Variants in TRIM37 observed in about 807,000 individuals in gnomAD.
The protein encoded by TRIM37 is tripartite motif containing 37.
In TRIM37, 80 loss-of-function variants were observed where a neutral mutation model predicts 129.8. The ratio of observed to expected loss-of-function variants is 0.62; its 90% CI spans 0.51 to 0.74. TRIM37 has a LOEUF of 0.74. Among genes scored for constraint, TRIM37 ranks in the 30% least tolerant of loss-of-function variants. The pLI is 0.00. For missense variants in TRIM37, 1,054 were observed against 1,176.5 expected, an observed-to-expected ratio of 0.90 and a Z score of 1.52; for synonymous variants, 389 against 387.1, an observed-to-expected ratio of 1.00 and a Z score of -0.06.
chr17:59,096,574 A>C (rs1568248190), intron 2 of TRIM37, among the ~76,000 whole-genome samples: 1 of 151,700 alleles, frequency 6.6e-6, no homozygotes, highest in Non-Finnish European at 1.5e-5. Context: ...AAAAAAAAAA[A>C]AACCAACTTT....
At chr17:59,068,772 C>T (rs1198189178) in intron 9 of TRIM37, among the ~76,000 whole-genome samples, 3 of 152,152 alleles carry the variant, frequency 2.0e-5, no homozygotes, top group Non-Finnish European at 4.4e-5. Flanking sequence ...GTCAGAAAAA[C>T]TTTGCCCTTC....
At position 58,999,143 on chromosome 17, in the gene TRIM37, A is replaced by G; in HGVS notation, c.*234T>C. On this transcript the variant is annotated 3_prime_UTR_variant, in exon 24 of 24. Coordinates refer to ENST00000262294, the MANE Select transcript of TRIM37 (RefSeq NM_015294.6). The stretch of plus-strand genomic sequence containing the variant: ...ATTTGCTAAATTAATAGAGAACTAC[A>G]TTGTTATTTCCTTACATTACAAAGA... The G allele has an allele frequency of 1.5e-6, 2 of 1,351,670 alleles. No individual in the cohort carries two copies. The highest frequency in any genetic ancestry group is 1.9e-6 in the Non-Finnish European group (2 of 1,050,806). 83.7% of individuals were successfully genotyped at this position (1,351,670 alleles called of 1,614,324 possible).
intron 2 of TRIM37, among the ~76,000 whole-genome samples, chr17:59,097,570 T>C (rs2045024221): frequency 6.6e-6 from 1 of 151,554 alleles, no homozygotes; most frequent in South Asian, 2.1e-4. Context: ...AAACCAAGAA[T>C]TTGAAAGACA....
intron 17 of TRIM37, among the ~76,000 whole-genome samples, chr17:59,040,772 C>T (rs986116745): frequency 2.0e-5 from 3 of 152,038 alleles, no homozygotes; most frequent in Admixed American, 6.6e-5. Flanking sequence ...CCAGGCCGGG[C>T]GCGGTGGCTC....
intron 13 of TRIM37, among the ~76,000 whole-genome samples, chr17:59,055,685 C>CAAAAA (rs934273591): frequency 7.1e-4 from 17 of 23,810 alleles, no homozygotes; most frequent in Non-Finnish European, 8.2e-4. Flanking sequence ...GACTCCATCT[C>CAAAAA]AAAAAAAAAA....
chr17:59,026,149 A>G (rs2037226634), intron 19 of TRIM37, among the ~76,000 whole-genome samples: 1 of 152,216 alleles, frequency 6.6e-6, no homozygotes, highest in South Asian at 2.1e-4. Context: ...CAATGGTGCT[A>G]AAACCATTCA....
intron 24 of TRIM37, among the ~76,000 whole-genome samples, chr17:58,992,299 A>G (rs2032512636): frequency 7.5e-6 from 1 of 132,696 alleles, no homozygotes; most frequent in East Asian, 2.1e-4. Context: ...ATATATATTT[A>G]TATATATATA....
the TRIM37 span, chr17:58,969,360 T>C: frequency 1.4e-6 from 1 of 713,578 alleles, no homozygotes; most frequent in Middle Eastern, 2.4e-4. Context: ...GATACCCTAA[T>C]ATTGCAGGTA....
intron 16 of TRIM37, among the ~76,000 whole-genome samples, chr17:59,046,606 A>G (rs961503660): frequency 2.0e-5 from 3 of 147,156 alleles, no homozygotes; most frequent in African/African-American, 7.6e-5. Flanking sequence ...GCGTGATCTT[A>G]GCTCACTGCA....
At chr17:59,051,629 A>T (rs1333075340) in intron 13 of TRIM37, among the ~76,000 whole-genome samples, 2 of 152,212 alleles carry the variant, frequency 1.3e-5, no homozygotes, top group Admixed American at 1.3e-4. Flanking sequence ...AATGATGATC[A>T]TGAGTTGGGA....
At chr17:58,996,792 A>ATGTG (rs111408971), downstream of TRIM37, among the ~76,000 whole-genome samples, 972 of 79,388 alleles carry the variant, frequency 0.012, 9 homozygotes, top group African/African-American at 0.02. Flanking sequence ...GTATATATAT[A>ATGTG]TGTGTGTGTG....
chr17:58,986,381 T>C (rs555095206), intron 24 of TRIM37, among the ~76,000 whole-genome samples: 102 of 151,754 alleles, frequency 6.7e-4, no homozygotes, highest in Non-Finnish European at 1.0e-3. Flanking sequence ...TTATTATTAG[T>C]GGAGGTGGGG....
intron 16 of TRIM37, among the ~76,000 whole-genome samples, chr17:59,042,766 G>A (rs1281072730): frequency 6.6e-6 from 1 of 151,452 alleles, no homozygotes; most frequent in Non-Finnish European, 1.5e-5. Flanking sequence ...CTGTCTCAAG[G>A]AGGACAGGAC....
chr17:59,050,987 AT>A (rs1334162485), intron 14 of TRIM37, among the ~76,000 whole-genome samples: 5 of 152,216 alleles, frequency 3.3e-5, no homozygotes, highest in African/African-American at 4.8e-5. Flanking sequence ...CTCAAAAAAA[AT>A]AAATAAATAA....
intron 2 of TRIM37, among the ~76,000 whole-genome samples, chr17:59,093,756 A>G (rs1742709404): frequency 1.3e-5 from 2 of 152,070 alleles, no homozygotes; most frequent in Admixed American, 6.6e-5. Context: ...ATTTGCTTAT[A>G]TGGTCCCTCC....
chr17:59,041,585 T>TA (rs1334991069), intron 17 of TRIM37, among the ~76,000 whole-genome samples: 1 of 152,204 alleles, frequency 6.6e-6, no homozygotes, highest in Non-Finnish European at 1.5e-5. Context: ...ATAAGGTACT[T>TA]AAAGTGCTTC....
At chr17:59,047,268 C>T (rs1210272981) in intron 16 of TRIM37, among the ~76,000 whole-genome samples, 1 of 152,054 alleles carries the variant, frequency 6.6e-6, no homozygotes, top group Non-Finnish European at 1.5e-5. Flanking sequence ...TAGAAGGTTA[C>T]AGTATTACAT....
At chr17:59,081,916 T>C (rs201026961) in intron 5 of TRIM37, among the ~76,000 whole-genome samples, 1 of 67,228 alleles carries the variant, frequency 1.5e-5, no homozygotes, top group African/African-American at 6.1e-5. Context: ...CAAAAAATAA[T>C]AATTTTTTAA....
chr17:59,016,396 CA>C (rs57120937), intron 20 of TRIM37, among the ~76,000 whole-genome samples: 3,579 of 55,326 alleles, frequency 0.065, 69 homozygotes, highest in East Asian at 0.16. Flanking sequence ...AACTCCATCT[CA>C]AAAAAAAAAA....
Sources: gnomAD v4.1 joint callset for allele counts (sites outside exome capture counted in the v4.1 genomes callset) on GRCh38, gnomAD v4.1.1 for gene constraint, MANE v1.5 for transcripts, NCBI Gene and HGNC (gene_info 2026-07-23, HGNC 2026-07-21) for gene names.